TYW1: variants seen among roughly 807,000 people sequenced by gnomAD.
TYW1 encodes the protein tRNA-yW synthesizing protein 1 homolog.
A neutral mutation model predicts 96.2 loss-of-function variants in TYW1; 46 were observed. That is an observed-to-expected ratio of 0.48 (90% CI 0.38 to 0.61). The LOEUF (loss-of-function observed/expected upper bound fraction) is 0.61, where lower values mean the gene tolerates loss of function less well. TYW1 is among the 20% of genes least tolerant of loss of function. TYW1 has a pLI of 0.00. For missense variants in TYW1, 684 were observed against 909.6 expected, an observed-to-expected ratio of 0.75 and a Z score of 3.19; for synonymous variants, 274 against 323.0, an observed-to-expected ratio of 0.85 and a Z score of 1.63.
chr7:67,034,108 TA>T (rs1472424460), intron 7 of TYW1, among the ~76,000 whole-genome samples: 12 of 105,156 alleles, frequency 1.1e-4, no homozygotes, highest in South Asian at 3.1e-4. Context: ...ATTTTTATTT[TA>T]TTTTTTTTTT....
intron 13 of TYW1, among the ~76,000 whole-genome samples, chr7:67,167,327 G>A (rs1799369798): frequency 2.0e-5 from 3 of 151,826 alleles, no homozygotes. Flanking sequence ...AAATTAGCCG[G>A]GCCTGGTGGC....
intron 15 of TYW1, among the ~76,000 whole-genome samples, chr7:67,209,989 G>A (rs954766248): frequency 3.9e-5 from 6 of 152,050 alleles, no homozygotes; most frequent in South Asian, 2.1e-4. Flanking sequence ...AGCATCTTAC[G>A]TTGGTGTGGT....
chr7:67,143,234 G>C (rs959727667), intron 13 of TYW1, among the ~76,000 whole-genome samples: 1 of 152,132 alleles, frequency 6.6e-6, no homozygotes, highest in Admixed American at 6.6e-5. Context: ...TTACAACTGG[G>C]ATGTGGTCTT....
chr7:67,197,424 C>T (rs1238341451), intron 15 of TYW1, among the ~76,000 whole-genome samples: 5 of 151,870 alleles, frequency 3.3e-5, no homozygotes, highest in South Asian at 4.2e-4. Context: ...CTCCTCGCTT[C>T]AAGCGATTCT....
intron 7 of TYW1, among the ~76,000 whole-genome samples, chr7:67,030,819 C>T (rs1264491422): frequency 2.0e-5 from 3 of 151,790 alleles, no homozygotes; most frequent in African/African-American, 7.3e-5. Context: ...GGAACCAACT[C>T]GAAGGGTTTC....
At chr7:67,098,147 C>T (rs1796977292) in intron 11 of TYW1, among the ~76,000 whole-genome samples, 1 of 152,128 alleles carries the variant, frequency 6.6e-6, no homozygotes, top group African/African-American at 2.4e-5. Flanking sequence ...TTTACTTTCC[C>T]AGTTCAGGAT....
At chr7:67,079,311 C>G (rs2115746861) in intron 10 of TYW1, among the ~76,000 whole-genome samples, 1 of 151,852 alleles carries the variant, frequency 6.6e-6, no homozygotes. Context: ...TTCAGGTTTT[C>G]TCTTTCTTCC....
At chr7:67,049,216 T>C (rs1169145735) in intron 7 of TYW1, among the ~76,000 whole-genome samples, 1 of 152,246 alleles carries the variant, frequency 6.6e-6, no homozygotes, top group East Asian at 1.9e-4. Context: ...TTTTATTGCA[T>C]TTAACCTTCA....
chr7:67,098,770 A>G, intron 12 of TYW1, 52 bp downstream of exon 12: 1 of 1,492,370 alleles, frequency 6.7e-7, no homozygotes, highest in Non-Finnish European at 9.0e-7. Flanking sequence ...GTTTCACTGC[A>G]AAGTAAAACT....
intron 13 of TYW1, among the ~76,000 whole-genome samples, chr7:67,131,897 G>A (rs536793654): frequency 2.0e-5 from 3 of 152,324 alleles, no homozygotes; most frequent in Middle Eastern, 3.4e-3. Flanking sequence ...GGAGAAAGAT[G>A]AAGGCCAGAA....
chr7:67,081,128 C>T (rs1253834190), intron 10 of TYW1, among the ~76,000 whole-genome samples: 1 of 150,870 alleles, frequency 6.6e-6, no homozygotes, highest in Non-Finnish European at 1.5e-5. Flanking sequence ...CTTGTAAGGC[C>T]AGTCTAGTGG....
chr7:67,014,688 C>T (rs1793954901), intron 5 of TYW1, 127 bp downstream of exon 5: 3 of 1,146,308 alleles, frequency 2.6e-6, no homozygotes, highest in African/African-American at 1.6e-5. Flanking sequence ...AAATAATCCA[C>T]AAACTTTGGT....
chr7:67,091,707 A>G (rs1796725942), intron 11 of TYW1, among the ~76,000 whole-genome samples: 1 of 152,206 alleles, frequency 6.6e-6, no homozygotes, highest in African/African-American at 2.4e-5. Context: ...CAAGAAATAA[A>G]TAGAAACATG....
intron 9 of TYW1, among the ~76,000 whole-genome samples, chr7:67,056,845 A>G (rs751055799): frequency 8.5e-5 from 13 of 152,174 alleles, no homozygotes; most frequent in Non-Finnish European, 1.9e-4. Flanking sequence ...TAACTTTAGA[A>G]GAAACTCCGA....
At position 66,996,859 on chromosome 7, in the gene TYW1, T is replaced by G. The variant is rs1584441675; in HGVS notation, c.-120T>G. ...TGGCAGTGTCATGGCTGCCCACAGG[T>G]CTGCAGGCACTCGGTACGCCGCTAA... On this transcript the variant is annotated 5_prime_UTR_variant, in exon 1 of 16. Transcript: ENST00000359626. 2 of 1,542,336 alleles carry G rather than the reference T, an allele frequency of 1.3e-6. No individual in the cohort carries two copies. Among genetic ancestry groups the G allele is most frequent in the Middle Eastern group, 3.4e-4 (2 of 5,944 alleles).
intron 7 of TYW1, among the ~76,000 whole-genome samples, chr7:67,048,544 A>G (rs1279415622): frequency 1.3e-5 from 2 of 152,128 alleles, no homozygotes; most frequent in Non-Finnish European, 2.9e-5. Flanking sequence ...AAAAATGTAC[A>G]CAAATAAACT....
rs369845373 is a variant in TYW1, at chr7:67,142,592, ATGCCTGGC to A, written c.1698+24977_1698+24984del. 3.9e-3 allele frequency among the ~76,000 whole-genome samples: 590 copies of A among 152,020 alleles called. 1 individual carries two copies. The highest frequency in any genetic ancestry group is 0.013 in the African/African-American group (549 of 41,482). ...TACAGGCACAAGCCACCATGCCACC[ATGCCTGGC>A]TGATTTATTTTTTAAGAGGCAGGGT... On this transcript the variant is annotated intron_variant, in intron 13 of 15. Transcript: ENST00000359626.
chr7:67,200,531 G>T (rs1405353445), intron 15 of TYW1, among the ~76,000 whole-genome samples: 1 of 152,034 alleles, frequency 6.6e-6, no homozygotes, highest in Non-Finnish European at 1.5e-5. Flanking sequence ...ACAGTATGGG[G>T]GAAACCACCC....
intron 15 of TYW1, among the ~76,000 whole-genome samples, chr7:67,228,915 G>A (rs1291492647): frequency 1.3e-5 from 2 of 152,220 alleles, no homozygotes; most frequent in Non-Finnish European, 2.9e-5. Context: ...AAGGGAAACC[G>A]ATGGGAAGTC....
Sources: allele counts gnomAD v4.1 joint callset (sites outside exome capture counted in the v4.1 genomes callset), GRCh38; gene constraint gnomAD v4.1.1; transcripts MANE v1.5; gene names NCBI Gene and HGNC (gene_info 2026-07-23, HGNC 2026-07-21).